The following HS6ST3 variants were observed in gnomAD, a reference collection of about 807,000 sequenced individuals.
The protein encoded by HS6ST3 is heparan-sulfate 6-O-sulfotransferase 3.
Under a neutral mutation model 36.7 loss-of-function variants are expected in HS6ST3, and 12 were observed. The ratio of observed to expected loss-of-function variants is 0.33; its 90% CI spans 0.21 to 0.53. HS6ST3 has a LOEUF of 0.53. Among genes scored for constraint, HS6ST3 ranks in the 20% least tolerant of loss-of-function variants. HS6ST3 has a pLI of 0.95. For missense variants in HS6ST3, 584 were observed against 640.9 expected (o/e 0.91, Z 0.96); for synonymous variants, 240 against 257.5 (o/e 0.93, Z 0.65).
intron 1 of HS6ST3, among the ~76,000 whole-genome samples, chr13:96,426,109 G>A (rs966570702): frequency 6.6e-6 from 1 of 151,302 alleles, no homozygotes; most frequent in Non-Finnish European, 1.5e-5. Flanking sequence ...AACCTAAATT[G>A]TATTTTTAAA....
rs2054934951 is a variant in HS6ST3 at position 96,310,493 on chromosome 13, T to G, written c.707+218924T>G. Among the ~76,000 whole-genome samples, 3 of 152,236 alleles carry G rather than the reference T, an allele frequency of 2.0e-5. No individual in the cohort carries two copies. In the South Asian group the frequency reaches 6.2e-4, roughly 32 times the overall value. ...GGCTGGAAAAAAAACAAGTTAAATC[T>G]AACAACCAGTACTGAAAAGAATGGG... On this transcript the variant is annotated intron_variant, in intron 1 of 1. Transcript: ENST00000376705.
chr13:96,720,294 T>C (rs1458866456), intron 1 of HS6ST3, among the ~76,000 whole-genome samples: 1 of 152,200 alleles, frequency 6.6e-6, no homozygotes, highest in Non-Finnish European at 1.5e-5. Flanking sequence ...TCTTTTGTCT[T>C]ACTCATAGTA....
intron 1 of HS6ST3, among the ~76,000 whole-genome samples, chr13:96,815,719 C>A (rs1043506757): frequency 6.6e-6 from 1 of 152,190 alleles, no homozygotes; most frequent in African/African-American, 2.4e-5. Flanking sequence ...AGGAGGGGTC[C>A]ACTTATTCTC....
intron 1 of HS6ST3, among the ~76,000 whole-genome samples, chr13:96,509,741 C>T (rs146682366): frequency 7.2e-5 from 11 of 152,282 alleles, no homozygotes; most frequent in Admixed American, 2.0e-4. Context: ...GTTTTAGTAA[C>T]GGTAGCCATG....
intron 1 of HS6ST3, among the ~76,000 whole-genome samples, chr13:96,166,838 A>G (rs1221904727): frequency 6.6e-6 from 1 of 152,138 alleles, no homozygotes; most frequent in Non-Finnish European, 1.5e-5. Context: ...AGTGGGAGGT[A>G]ACTGAATCAT....
intron 1 of HS6ST3, among the ~76,000 whole-genome samples, chr13:96,223,287 T>C (rs2139363637): frequency 6.6e-6 from 1 of 152,310 alleles, no homozygotes; most frequent in African/African-American, 2.4e-5. Flanking sequence ...CGAAACATGA[T>C]AGTTGCCATT....
At chr13:96,277,314 A>G (rs2054753210) in intron 1 of HS6ST3, among the ~76,000 whole-genome samples, 1 of 151,920 alleles carries the variant, frequency 6.6e-6, no homozygotes, top group African/African-American at 2.4e-5. Context: ...GTCTTGTGTC[A>G]TTTACTGTAT....
chr13:96,099,089 G>A (rs1566881506), intron 1 of HS6ST3, among the ~76,000 whole-genome samples: 1 of 151,910 alleles, frequency 6.6e-6, no homozygotes, highest in East Asian at 1.9e-4. Flanking sequence ...GATTAAAGGC[G>A]CCCACCACCA....
chr13:96,832,727 T>C lies in HS6ST3; in HGVS notation c.945T>C (p.Ala315=). The C allele has an allele frequency of 6.2e-7, 1 of 1,614,196 alleles. No homozygotes were observed. The highest frequency in any genetic ancestry group is 8.5e-7 in the Non-Finnish European group (1 of 1,180,030). Residue 315 remains alanine, a synonymous_variant, in exon 2 of 2, where the codon GCT becomes GCC. Coordinates refer to ENST00000376705, the MANE Select transcript of HS6ST3 (RefSeq NM_153456.4). The stretch of plus-strand genomic sequence containing the variant: ...ACAATCGCCAGGTGCGCATGCTGGC[T>C]GACCTCAGCCTGGTGGGCTGCTATA... ...LANNRQVRML[A]DLSLVGCYNL...
intron 1 of HS6ST3, among the ~76,000 whole-genome samples, chr13:96,422,169 T>G (rs1327933211): frequency 6.6e-6 from 1 of 152,226 alleles, no homozygotes; most frequent in Non-Finnish European, 1.5e-5. Context: ...GCGATGGCAG[T>G]CTGTCCTGGC....
chr13:96,223,824 G>T (rs16951729), intron 1 of HS6ST3, among the ~76,000 whole-genome samples: 1 of 151,982 alleles, frequency 6.6e-6, no homozygotes, highest in Admixed American at 6.6e-5. Flanking sequence ...TAACATAAAA[G>T]GTCAACAATG....
At chr13:96,267,861 C>T (rs1258160174) in intron 1 of HS6ST3, among the ~76,000 whole-genome samples, 1 of 151,884 alleles carries the variant, frequency 6.6e-6, no homozygotes, top group African/African-American at 2.4e-5. Flanking sequence ...TTGGGCTTAT[C>T]ATGTGAGGAT....
chr13:96,719,117 A>G (rs207474291), intron 1 of HS6ST3, among the ~76,000 whole-genome samples: 1 of 152,104 alleles, frequency 6.6e-6, no homozygotes, highest in Admixed American at 6.6e-5. Flanking sequence ...GACTAAAAAT[A>G]CAAAAAATTA....
intron 1 of HS6ST3, among the ~76,000 whole-genome samples, chr13:96,711,848 A>G (rs1875569931): frequency 6.6e-6 from 1 of 152,044 alleles, no homozygotes; most frequent in Non-Finnish European, 1.5e-5. Flanking sequence ...TTTTGTTTCT[A>G]CATTGCGGCT....
intron 1 of HS6ST3, among the ~76,000 whole-genome samples, chr13:96,514,307 A>G (rs1260667193): frequency 6.6e-6 from 1 of 152,166 alleles, no homozygotes. Flanking sequence ...GGATTTGGTG[A>G]TTAATTCAAT....
chr13:96,414,059 C>T (rs928353394), intron 1 of HS6ST3, among the ~76,000 whole-genome samples: 8 of 152,208 alleles, frequency 5.3e-5, no homozygotes, highest in African/African-American at 1.9e-4. Context: ...GAAAGCCTTT[C>T]AGTGTTCTTT....
chr13:96,742,410 A>G (rs1003729588), intron 1 of HS6ST3, among the ~76,000 whole-genome samples: 1 of 152,108 alleles, frequency 6.6e-6, no homozygotes, highest in African/African-American at 2.4e-5. Flanking sequence ...AAATTCAGCT[A>G]TATTCTAAGT....
At chr13:96,433,795 C>T (rs1227207765) in intron 1 of HS6ST3, among the ~76,000 whole-genome samples, 2 of 152,058 alleles carry the variant, frequency 1.3e-5, no homozygotes, top group Admixed American at 6.6e-5. Context: ...ATTAGCCAGG[C>T]TTGGTGGCAG....
At chr13:96,776,024 G>T (rs1371255850) in intron 1 of HS6ST3, among the ~76,000 whole-genome samples, 1 of 152,068 alleles carries the variant, frequency 6.6e-6, no homozygotes, top group Non-Finnish European at 1.5e-5. Context: ...TTAGAACTCA[G>T]GATTAAGAAA....
Sources: allele counts gnomAD v4.1 joint callset (sites outside exome capture counted in the v4.1 genomes callset), GRCh38; gene constraint gnomAD v4.1.1; transcripts MANE v1.5; gene names NCBI Gene and HGNC (gene_info 2026-07-23, HGNC 2026-07-21).